The following SEPTIN9 variants were observed in gnomAD, a reference collection of about 807,000 sequenced individuals.
SEPTIN9 encodes the protein septin 9.
Under a neutral mutation model 56.6 loss-of-function variants are expected in SEPTIN9, and 13 were observed. The observed-to-expected ratio is 0.23, with a 90% CI of 0.15 to 0.37. SEPTIN9 has a LOEUF of 0.37. Ranked by LOEUF, SEPTIN9 falls within the 10% of genes least tolerant of loss-of-function variation. The pLI is 1.00. For missense variants in SEPTIN9, 650 were observed against 823.1 expected (o/e 0.79, Z 2.57); for synonymous variants, 332 against 334.1 (o/e 0.99, Z 0.07).
chr17:77,410,141 C>T (rs1050683729), intron 3 of SEPTIN9, among the ~76,000 whole-genome samples: 8 of 152,142 alleles, frequency 5.3e-5, no homozygotes, highest in African/African-American at 1.9e-4. Flanking sequence ...GCTTCCTTCC[C>T]GTTCTCTCTG....
At chr17:77,398,060 A>C (rs1338130893) in intron 2 of SEPTIN9, among the ~76,000 whole-genome samples, 1 of 147,758 alleles carries the variant, frequency 6.8e-6, no homozygotes, top group Non-Finnish European at 1.5e-5. Flanking sequence ...TGCAGCCTTG[A>C]TCTCCTGGCC....
intron 3 of SEPTIN9, among the ~76,000 whole-genome samples, chr17:77,426,351 G>A (rs964332787): frequency 3.9e-5 from 6 of 152,110 alleles, no homozygotes; most frequent in African/African-American, 9.7e-5. Context: ...CCGAGCCCCC[G>A]GAGGCATGCA....
intron 3 of SEPTIN9, among the ~76,000 whole-genome samples, chr17:77,430,332 G>A (rs1401476954): frequency 6.6e-6 from 1 of 152,180 alleles, no homozygotes; most frequent in Non-Finnish European, 1.5e-5. Flanking sequence ...AGTCTCTCCT[G>A]TCACACCCCC....
intron 2 of SEPTIN9, among the ~76,000 whole-genome samples, chr17:77,382,359 T>C (rs1716456269): frequency 6.6e-6 from 1 of 152,218 alleles, no homozygotes; most frequent in Non-Finnish European, 1.5e-5. Flanking sequence ...ACTCATAGTG[T>C]GTGTGGAAGA....
chr17:77,301,220 A>G (rs1239297537), intron 1 of SEPTIN9, among the ~76,000 whole-genome samples: 13 of 152,060 alleles, frequency 8.5e-5, no homozygotes, highest in Non-Finnish European at 4.4e-5. Flanking sequence ...GAGCTTTTTA[A>G]ACTTTTATTA....
chr17:77,428,612 A>G (rs2144264163), intron 3 of SEPTIN9, among the ~76,000 whole-genome samples: 1 of 152,338 alleles, frequency 6.6e-6, no homozygotes, highest in African/African-American at 2.4e-5. Flanking sequence ...CGGCATCCTC[A>G]TCTTGCAGAT....
In SEPTIN9 at chr17:77,434,398, G is replaced by A. The variant is rs1201072919; in HGVS notation, c.721+31695G>A. The stretch of plus-strand genomic sequence containing the variant: ...CTGCTGGTGGGTGGCTGAGGCTGCG[G>A]TGAGGTCTCCATGGCTCCCTCGTCC... On this transcript the variant is annotated intron_variant, in intron 3 of 11. Transcript: ENST00000427177. This position sits in a 1 kb window ranked among gnomAD's most constrained non-coding sequence, Gnocchi z 5.0. Among the ~76,000 whole-genome samples, 2 of 152,224 alleles carry A rather than the reference G, an allele frequency of 1.3e-5. No individual in the cohort carries two copies. Among genetic ancestry groups the A allele is most frequent in the Non-Finnish European group, 2.9e-5 (2 of 68,036 alleles).
chr17:77,328,497 C>G (rs901784906), intron 2 of SEPTIN9, among the ~76,000 whole-genome samples: 1 of 152,350 alleles, frequency 6.6e-6, no homozygotes, highest in Admixed American at 6.5e-5. Flanking sequence ...TCCCAAATAG[C>G]TGGGATGACA....
At chr17:77,383,392 A>G (rs1338449846) in intron 2 of SEPTIN9, among the ~76,000 whole-genome samples, 3 of 152,100 alleles carry the variant, frequency 2.0e-5, no homozygotes, top group Non-Finnish European at 4.4e-5. Flanking sequence ...CGAGAGCCCA[A>G]CAAGGTAGAT....
rs1389721469 is a variant in SEPTIN9, at chr17:77,492,707, G to A, written c.1467G>A (p.Glu489=). 3 of 1,613,960 alleles carry A rather than the reference G, an allele frequency of 1.9e-6. No homozygotes were observed. The highest frequency in any genetic ancestry group is 2.5e-6 in the Non-Finnish European group (3 of 1,179,912). ...ACTCGGAGGACCGGCTGGTGAACGAGAAGTTCCGGGTGAGTGGATCCACTA... is the reference window on the plus strand; with the variant it reads ...ACTCGGAGGACCGGCTGGTGAACGAAAAGTTCCGGGTGAGTGGATCCACTA... ...DEDSEDRLVN[E]KFREMIPFAV... The change falls in exon 9 of 12, where the codon GAG becomes GAA. Residue 489 remains glutamate (E), a synonymous_variant. Transcript: ENST00000427177. This position sits in a 1 kb window ranked among gnomAD's most constrained non-coding sequence, Gnocchi z 5.4.
chr17:77,339,378 T>G lies in SEPTIN9; in HGVS notation c.76+32181T>G, dbSNP rs551778106. Reference sequence around the variant, plus strand: ...CCTTCTCCATGGGCTGCAGAATGGGTGTTACATTAGCAGGCATGAAAACAA... The same window carrying G: ...CCTTCTCCATGGGCTGCAGAATGGGGGTTACATTAGCAGGCATGAAAACAA... On this transcript the variant is annotated intron_variant, in intron 2 of 11. Coordinates refer to ENST00000427177, the MANE Select transcript of SEPTIN9 (RefSeq NM_001113491.2). Among the ~76,000 whole-genome samples the G allele has an allele frequency of 8.9e-4, 135 of 152,332 alleles. 4 individuals are homozygous for G. In the South Asian group the frequency reaches 0.027, roughly 30 times the overall value.
chr17:77,337,842 A>G (rs1348268599), intron 2 of SEPTIN9, among the ~76,000 whole-genome samples: 1 of 152,210 alleles, frequency 6.6e-6, no homozygotes, highest in Non-Finnish European at 1.5e-5. Flanking sequence ...GACCTCGGCA[A>G]TAAAGCAAAT....
chr17:77,438,112 A>G (rs1016523068), intron 3 of SEPTIN9, among the ~76,000 whole-genome samples: 1 of 152,326 alleles, frequency 6.6e-6, no homozygotes, highest in Middle Eastern at 3.4e-3. Flanking sequence ...TGTGACCGAA[A>G]GGAGCTGAAG....
Position 77,405,399 on chromosome 17 carries a change from C to T in SEPTIN9, c.721+2696C>T, listed in dbSNP as rs191162254. On this transcript the variant is annotated intron_variant, in intron 3 of 11. Transcript: ENST00000427177. This position sits in a 1 kb window ranked among gnomAD's most constrained non-coding sequence, Gnocchi z 5.8. The stretch of plus-strand genomic sequence containing the variant: ...AAGGCAGGCCACGTGGAGGCAGCAG[C>T]GTTCAGAGCTGCCAGGAACCTGGCG... Among the ~76,000 whole-genome samples, 350 of 152,270 alleles carry T rather than the reference C, an allele frequency of 2.3e-3. 3 individuals are homozygous for T. The highest frequency in any genetic ancestry group is 0.014 in the Middle Eastern group (4 of 294).
chr17:77,385,073 C>T (rs766248346), intron 2 of SEPTIN9, among the ~76,000 whole-genome samples: 1 of 151,934 alleles, frequency 6.6e-6, no homozygotes, highest in Non-Finnish European at 1.5e-5. Flanking sequence ...GGCTCGTGCC[C>T]GTAATCCCAA....
intron 11 of SEPTIN9, 49 bp from the exon 12 acceptor site, chr17:77,498,474 C>T (rs1568126954): frequency 1.3e-6 from 1 of 776,532 alleles, no homozygotes; most frequent in Non-Finnish European, 2.1e-6. Context: ...CCGCTGCCCC[C>T]ACCCCGCTGC....
At chr17:77,337,964 A>G (rs1326605334) in intron 2 of SEPTIN9, among the ~76,000 whole-genome samples, 2 of 152,202 alleles carry the variant, frequency 1.3e-5, no homozygotes, top group Non-Finnish European at 2.9e-5. Flanking sequence ...TGGGAGGCCA[A>G]GGTGGGCGGA....
chr17:77,305,031 G>T (rs1193020004), intron 1 of SEPTIN9, among the ~76,000 whole-genome samples: 1 of 152,164 alleles, frequency 6.6e-6, no homozygotes, highest in Non-Finnish European at 1.5e-5. Flanking sequence ...ATCTCTCCTG[G>T]TCTTAAGGAG....
chr17:77,339,574 A>G (rs932012697), intron 2 of SEPTIN9, among the ~76,000 whole-genome samples: 1 of 151,036 alleles, frequency 6.6e-6, no homozygotes, highest in African/African-American at 2.4e-5. Flanking sequence ...CGGTGGCATG[A>G]TCTCGGCTCA....
Sources: gnomAD v4.1 joint callset for allele counts (sites outside exome capture counted in the v4.1 genomes callset) on GRCh38, gnomAD v4.1.1 for gene constraint, Gnocchi (gnomAD v3.1) non-coding constraint, MANE v1.5 for transcripts, NCBI Gene and HGNC (gene_info 2026-07-23, HGNC 2026-07-21) for gene names.